NTMT1: variants seen among roughly 807,000 people sequenced by gnomAD.
NTMT1 encodes the protein N-terminal Xaa-Pro-Lys N-methyltransferase 1, also known as N-terminal RCC1 methyltransferase.
A neutral mutation model predicts 17.5 loss-of-function variants in NTMT1; 8 were observed. The observed-to-expected ratio is 0.46, with a 90% confidence interval of 0.27 to 0.82. The LOEUF (loss-of-function observed/expected upper bound fraction) is 0.82, where lower values mean the gene tolerates loss of function less well. Ranked by LOEUF, NTMT1 falls within the 40% of genes least tolerant of loss-of-function variation. The pLI, the probability that NTMT1 is intolerant of heterozygous loss-of-function variation, is 0.15. For missense variants in NTMT1, 221 were observed against 303.5 expected (o/e 0.73, Z 2.02); for synonymous variants, 128 against 126.8 (o/e 1.01, Z -0.06).
At chr9:129,618,163 C>T (rs1273207472) in intron 1 of NTMT1, among the ~76,000 whole-genome samples, 1 of 152,190 alleles carries the variant, frequency 6.6e-6, no homozygotes, top group Non-Finnish European at 1.5e-5. Flanking sequence ...TCTTTAAACT[C>T]ATGGGCAGTG....
At position 129,613,550 on chromosome 9, in the gene NTMT1, A is replaced by G; in HGVS notation, c.-55+4372A>G. On this transcript the variant is annotated intron_variant, in intron 1 of 3. Coordinates refer to the NTMT1 transcript ENST00000372486. This position sits in a 1 kb window ranked among gnomAD's most constrained non-coding sequence, Gnocchi z 6.2. The stretch of plus-strand genomic sequence containing the variant: ...CCGACACTCCCAAACACCCGCTCGG[A>G]CGCCACTGGCAGGGCGGCCTTCTGG... The G allele has an allele frequency of 6.2e-7, 1 of 1,614,112 alleles. No homozygotes were observed. The highest frequency in any genetic ancestry group is 2.2e-5 in the East Asian group (1 of 44,870).
chr9:129,612,367 G>A lies in NTMT1; in HGVS notation c.-55+3189G>A, dbSNP rs147897388. Reference sequence around the variant, plus strand: ...AGTGTTCACCTCTTATCTGGCTGCAGTGTTGCGGAGGCCAGGAGGAGATGG... The same window carrying A: ...AGTGTTCACCTCTTATCTGGCTGCAATGTTGCGGAGGCCAGGAGGAGATGG... On this transcript the variant is annotated intron_variant, in intron 1 of 3. Transcript: ENST00000372486. 11,770 of 1,613,796 alleles carry A rather than the reference G, an allele frequency of 7.3e-3. 64 individuals carry two copies. The highest frequency in any genetic ancestry group is 0.027 in the Middle Eastern group (164 of 6,060).
rs1588125244 is a variant in NTMT1, at chr9:129,620,338, G to C, written c.-55+11160G>C. On this transcript the variant is annotated intron_variant, in intron 1 of 3. Coordinates refer to the NTMT1 transcript ENST00000372486. The surrounding 1 kb of genome is among the most constrained non-coding windows in gnomAD (Gnocchi z 5.8). ...GGGTCGCGGTGAGCAAGGCGGGCAG[G>C]CGCGGCGGGAGGCGTCCGACGCCCA... The C allele has an allele frequency of 1.2e-5, 15 of 1,230,864 alleles. No individual in the cohort carries two copies. The East Asian group carries it at 4.9e-4, about 40-fold the overall frequency. 76.2% of individuals were successfully genotyped at this position (1,230,864 alleles called of 1,614,324 possible). A position where few individuals can be genotyped will look rare whatever the true frequency, so the allele number is the denominator to read the frequency against.
chr9:129,632,245 T>A (rs949848919), intron 1 of NTMT1, among the ~76,000 whole-genome samples: 2 of 152,056 alleles, frequency 1.3e-5, no homozygotes, highest in Non-Finnish European at 2.9e-5. Context: ...GGTCAGGACT[T>A]CAAGACCAAC....
At chr9:129,616,560 C>T (rs1365634798) in intron 1 of NTMT1, among the ~76,000 whole-genome samples, 1 of 152,086 alleles carries the variant, frequency 6.6e-6, no homozygotes, top group Non-Finnish European at 1.5e-5. Flanking sequence ...CAATCATGCC[C>T]CATCCCAGCC....
At chr9:129,615,605 C>T (rs1475169490) in intron 1 of NTMT1, 3 of 1,602,996 alleles carry the variant, frequency 1.9e-6, no homozygotes, top group Non-Finnish European at 1.7e-6. Flanking sequence ...GGTTGTGGGT[C>T]AGCGCAGCCT....
chr9:129,609,166 C>T (rs1830061076), exon 1 of NTMT1: 1 of 152,528 alleles, frequency 6.6e-6, no homozygotes, highest in Non-Finnish European at 1.5e-5. Context: ...GTGGGCACCG[C>T]CAGCACGCCC....
chr9:129,632,526 G>A (rs1831222465), intron 1 of NTMT1, 124 bp from the exon 2 acceptor site: 1 of 665,860 alleles, frequency 1.5e-6, no homozygotes, highest in African/African-American at 1.8e-5. Context: ...TGGGGACCCT[G>A]GACTTCTCTC....
At chr9:129,633,272 C>T (rs1831286664) in intron 2 of NTMT1, 5 of 356,612 alleles carry the variant, frequency 1.4e-5, no homozygotes, top group Non-Finnish European at 2.5e-5. Context: ...CTTTTCTGTA[C>T]CAGGCTGGGA....
chr9:129,623,874 A>G (rs1830818026), upstream of NTMT1, among the ~76,000 whole-genome samples: 1 of 142,322 alleles, frequency 7.0e-6, no homozygotes, highest in Admixed American at 7.5e-5. Context: ...GCTCACTGCA[A>G]GCTCCGCATC....
chr9:129,632,739 C>A lies in NTMT1; in HGVS notation c.36C>A (p.Phe12Leu). ...AGGTGATAGAAGACGAGAAGCAATT[C>A]TATTCCAAGGCCAAGACCTACTGGA... ...TSEVIEDEKQ[F>L]YSKAKTYWKQ... The change falls in exon 2 of 4, where the codon TTC (phenylalanine) becomes TTA (leucine). Residue 12 changes from phenylalanine to leucine, a missense_variant. Transcript: ENST00000372483. The A allele has an allele frequency of 6.2e-7, 1 of 1,614,160 alleles. No homozygotes were observed. Among genetic ancestry groups the A allele is most frequent in the Non-Finnish European group, 8.5e-7 (1 of 1,180,022 alleles).
rs1830677112 is a variant in NTMT1 at position 129,620,914 on chromosome 9, A to C, written c.-55+11736A>C. 4.1e-6 allele frequency: 1 copy of C among 245,392 alleles called. No homozygotes were observed. The highest frequency in any genetic ancestry group is 7.7e-6 in the Non-Finnish European group (1 of 129,118). 15.2% of individuals were successfully genotyped at this position (245,392 alleles called of 1,614,324 possible). ...TACACATAGACTAGCTGCCATTCTT[A>C]GTATTTCAAAGTTATTATTATTTAG... On this transcript the variant is annotated intron_variant, in intron 1 of 3. Coordinates refer to the NTMT1 transcript ENST00000372486. The surrounding 1 kb of genome is among the most constrained non-coding windows in gnomAD (Gnocchi z 5.8).
Position 129,613,604 on chromosome 9 carries a change from G to T in NTMT1, c.-55+4426G>T. ...ACAATGACGCTCTGTTGGACTGCAG[G>T]AAAGAGGGCAGGGTGAGATCTCTGC... is the stretch of plus-strand genomic sequence containing the variant. On this transcript the variant is annotated intron_variant, in intron 1 of 3. Transcript: ENST00000372486. This position sits in a 1 kb window ranked among gnomAD's most constrained non-coding sequence, Gnocchi z 6.2. The T allele has an allele frequency of 6.2e-7, 1 of 1,614,080 alleles. No homozygotes were observed. The highest frequency in any genetic ancestry group is 8.5e-7 in the Non-Finnish European group (1 of 1,180,018).
In NTMT1 at chr9:129,635,212, C is replaced by A. The variant is rs1231639420; in HGVS notation, c.420C>A (p.His140Gln). ...CCTTGCCTCTGCCCTCCCCAGGCCA[C>A]CTCACCGATCAGCACCTGGCCGAGT... ...DVIWIQWVIG[H>Q]LTDQHLAEFL... Residue 140 changes from histidine to glutamine, a missense_variant, in exon 4 of 4, where the codon CAC (histidine) becomes CAA (glutamine). Transcript: ENST00000372483. 1 of 1,608,212 alleles carries A rather than the reference C, an allele frequency of 6.2e-7. No homozygotes were observed. The highest frequency in any genetic ancestry group is 2.2e-5 in the East Asian group (1 of 44,836).
Position 129,635,457 on chromosome 9 carries a change from T to C in NTMT1, c.665T>C (p.Leu222Pro). 1 of 1,607,812 alleles carries C rather than the reference T, an allele frequency of 6.2e-7. No individual in the cohort carries two copies. Among genetic ancestry groups the C allele is most frequent in the Non-Finnish European group, 8.5e-7 (1 of 1,175,666 alleles). Residue 222 changes from leucine (L) to proline (P), a missense_variant, in exon 4 of 4, where the codon CTG becomes CCG. Physicochemically the swap from Leu to Pro is moderately conservative, Grantham distance 98. Coordinates refer to ENST00000372483, the MANE Select transcript of NTMT1 (RefSeq NM_014064.4). ...ATCTACCATGTCTATAGCTTTGCCCTGAGATGAGCCGGGGCTGGCAGGAGA... is the reference window on the plus strand; with the variant it reads ...ATCTACCATGTCTATAGCTTTGCCCCGAGATGAGCCGGGGCTGGCAGGAGA... ...DEIYHVYSFA[L>P]R is the part of the protein sequence containing the mutation.
exon 1 of NTMT1, chr9:129,609,089 G>C (rs1298971682): frequency 6.6e-6 from 1 of 152,326 alleles, no homozygotes; most frequent in African/African-American, 2.4e-5. Context: ...GCTTAGGAGA[G>C]AGCTCCTGTG....
In NTMT1 at chr9:129,634,270, G is replaced by T. The variant is rs774050543; in HGVS notation, c.379G>T (p.Asp127Tyr). The change falls in exon 3 of 4, where the codon GAC becomes TAC. Residue 127 changes from aspartate to tyrosine, a missense_variant. Transcript: ENST00000372483. ...GCTCCAGGACTTCACCCCGGAGCCG[G>T]ACTCTTACGACGTGATCTGGATCCA... is the stretch of plus-strand genomic sequence containing the variant. ...CGLQDFTPEP[D>Y]SYDVIWIQWV... is the part of the protein sequence containing the mutation. The T allele has an allele frequency of 1.9e-6, 3 of 1,612,228 alleles. No homozygotes were observed. Among genetic ancestry groups the T allele is most frequent in the Non-Finnish European group, 2.5e-6 (3 of 1,179,010 alleles).
chr9:129,610,671 G>A (rs1362148896), intron 1 of NTMT1, among the ~76,000 whole-genome samples: 2 of 152,076 alleles, frequency 1.3e-5, no homozygotes, highest in Middle Eastern at 3.4e-3. Flanking sequence ...AGAAGTTTCG[G>A]CCGCGCCAGG....
Position 129,620,043 on chromosome 9 carries a change from C to G in NTMT1, c.-55+10865C>G. 6.9e-7 allele frequency: 1 copy of G among 1,453,318 alleles called. No individual in the cohort carries two copies. Among genetic ancestry groups the G allele is most frequent in the Non-Finnish European group, 9.1e-7 (1 of 1,100,830 alleles). The allele number at this position is 1,453,318 out of a possible 1,614,324, so 90.0% of individuals were successfully genotyped here. A position where few individuals can be genotyped will look rare whatever the true frequency, so the allele number is the denominator to read the frequency against. On this transcript the variant is annotated intron_variant, in intron 1 of 3. Coordinates refer to the NTMT1 transcript ENST00000372486. This position sits in a 1 kb window ranked among gnomAD's most constrained non-coding sequence, Gnocchi z 5.8. ...CCCACCGGAAATGACTCGGGCCCGCCCCCCGGGCCCCGCGGGGCCTCACTC... is the reference window on the plus strand; with the variant it reads ...CCCACCGGAAATGACTCGGGCCCGCGCCCCGGGCCCCGCGGGGCCTCACTC...
Sources: allele counts gnomAD v4.1 joint callset (sites outside exome capture counted in the v4.1 genomes callset), GRCh38; gene constraint gnomAD v4.1.1; non-coding constraint Gnocchi (gnomAD v3.1); transcripts MANE v1.5; gene names NCBI Gene and HGNC (gene_info 2026-07-23, HGNC 2026-07-21).